Variants in ZNF532 observed in about 807,000 individuals in gnomAD.
ZNF532 encodes the protein zinc finger protein 532.
ZNF532 carries 22 observed loss-of-function variants against 89.3 expected under a neutral mutation model. That is an observed-to-expected ratio of 0.25 (90% CI 0.18 to 0.35). The LOEUF is 0.35. ZNF532 is among the 10% of genes least tolerant of loss of function. ZNF532 has a pLI of 1.00. For missense variants in ZNF532, 1,132 were observed against 1,643.4 expected (o/e 0.69, Z 5.38); for synonymous variants, 606 against 649.6 (o/e 0.93, Z 1.02).
chr18:58,896,221 G>GT (rs561698537), intron 2 of ZNF532, among the ~76,000 whole-genome samples: 8 of 152,008 alleles, frequency 5.3e-5, no homozygotes, highest in Non-Finnish European at 8.8e-5. Context: ...GTTGTTGTTT[G>GT]TTTTTTAAGT....
intron 7 of ZNF532, among the ~76,000 whole-genome samples, chr18:58,964,573 GTGTGTGTA>G (rs1252438338): frequency 7.2e-6 from 1 of 139,140 alleles, no homozygotes; most frequent in East Asian, 2.0e-4. Context: ...GTGTGTGTGT[GTGTGTGTA>G]TACACAGTTT....
chr18:58,915,809 C>T (rs1019466488), intron 2 of ZNF532, among the ~76,000 whole-genome samples: 1 of 152,194 alleles, frequency 6.6e-6, no homozygotes, highest in Non-Finnish European at 1.5e-5. Context: ...TCTGGGCCTC[C>T]CACCCACTGA....
chr18:58,930,132 C>A (rs1483865223), intron 3 of ZNF532, among the ~76,000 whole-genome samples: 2 of 152,174 alleles, frequency 1.3e-5, no homozygotes, highest in Non-Finnish European at 2.9e-5. Flanking sequence ...TCCCAGGCTA[C>A]TTTTCTGCCT....
chr18:58,954,055 T>C, intron 7 of ZNF532: 1 of 982,266 alleles, frequency 1.0e-6, no homozygotes, highest in Non-Finnish European at 1.2e-6. Context: ...AAGTTACCTA[T>C]CACATTCATA....
chr18:58,877,442 A>G (rs79475078), intron 2 of ZNF532, among the ~76,000 whole-genome samples: 2,017 of 152,314 alleles, frequency 0.013, 52 homozygotes, highest in African/African-American at 0.046. Flanking sequence ...TAGTGGGTTT[A>G]TTTTACTTTG....
chr18:58,983,297 G>A (rs188627443), intron 9 of ZNF532, among the ~76,000 whole-genome samples: 4 of 152,226 alleles, frequency 2.6e-5, no homozygotes, highest in Non-Finnish European at 2.9e-5. Flanking sequence ...GTGTGAAGGT[G>A]AGGAGGCAGG....
At chr18:58,884,653 T>C (rs898482828) in intron 2 of ZNF532, among the ~76,000 whole-genome samples, 1 of 152,248 alleles carries the variant, frequency 6.6e-6, no homozygotes, top group Non-Finnish European at 1.5e-5. Context: ...GCCAAAGGAA[T>C]GCTTCTAAAG....
intron 2 of ZNF532, among the ~76,000 whole-genome samples, chr18:58,892,240 G>A (rs968788437): frequency 2.0e-5 from 3 of 152,082 alleles, no homozygotes; most frequent in East Asian, 3.9e-4. Context: ...AGTTATTTTT[G>A]TAAGAATTTA....
At chr18:58,939,872 T>G (rs2062828838) in intron 5 of ZNF532, 1 of 294,110 alleles carries the variant, frequency 3.4e-6, no homozygotes, top group African/African-American at 2.2e-5. Context: ...CAAGTAAATA[T>G]TTATATTTTT....
At chr18:58,889,284 C>T (rs1451220425) in intron 2 of ZNF532, among the ~76,000 whole-genome samples, 1 of 152,108 alleles carries the variant, frequency 6.6e-6, no homozygotes, top group Non-Finnish European at 1.5e-5. Flanking sequence ...TAAACCCTCC[C>T]TGGGCACTTC....
At position 58,936,454 on chromosome 18, in the gene ZNF532, C is replaced by G. The variant is rs1180728041; in HGVS notation, c.2528+1840C>G. The stretch of plus-strand genomic sequence containing the variant: ...GTTGATATGATTAAAGGAAATATGA[C>G]TTCTTCAATTTTAGCTATTGCTGAT... On this transcript the variant is annotated intron_variant, in intron 4 of 9. Transcript: ENST00000591808. 3.3e-5 allele frequency among the ~76,000 whole-genome samples: 5 copies of G among 152,160 alleles called. No homozygotes were observed. In the South Asian group the frequency reaches 1.0e-3, roughly 32 times the overall value.
At chr18:58,955,479 T>C (rs1400754758) in intron 7 of ZNF532, among the ~76,000 whole-genome samples, 1 of 152,164 alleles carries the variant, frequency 6.6e-6, no homozygotes, top group Non-Finnish European at 1.5e-5. Context: ...ATATAGAGAG[T>C]ACATAGAAAT....
rs371620410 is a variant in ZNF532, at chr18:58,932,845, C to A, written c.2347-1588C>A. ...TTAATATAATATGTATATACACACA[C>A]ATGCATGTACGTGTGTATGTATATA... On this transcript the variant is annotated intron_variant, in intron 3 of 9. Coordinates refer to ENST00000591808, the MANE Select transcript of ZNF532 (RefSeq NM_001375912.1). 8.0e-4 allele frequency among the ~76,000 whole-genome samples: 121 copies of A among 152,146 alleles called. 1 individual carries two copies. In the South Asian group the frequency reaches 0.024, roughly 30 times the overall value.
At chr18:58,924,313 T>A (rs1173762929) in intron 3 of ZNF532, among the ~76,000 whole-genome samples, 1 of 152,258 alleles carries the variant, frequency 6.6e-6, no homozygotes, top group African/African-American at 2.4e-5. Flanking sequence ...AGGAACCCAG[T>A]GCAGTTTAAG....
chr18:58,904,989 G>A (rs1029627992), intron 2 of ZNF532, among the ~76,000 whole-genome samples: 2 of 151,830 alleles, frequency 1.3e-5, no homozygotes, highest in South Asian at 4.2e-4. Context: ...CTACAGGTGC[G>A]TGACACCATG....
At position 58,919,961 on chromosome 18, in the gene ZNF532, A is replaced by G; in HGVS notation, c.1674A>G (p.Ala558=). 3.1e-6 allele frequency: 5 copies of G among 1,613,884 alleles called. No individual in the cohort carries two copies. The highest frequency in any genetic ancestry group is 1.7e-6 in the Non-Finnish European group (2 of 1,179,836). The part of the protein sequence containing the change: ...QQQIKQAIIN[A]AASQPPKKVS... ...AAATAAAGCAGGCAATAATCAATGCAGCAGCCTCGCAACCCCCCAAAAAGG... is the reference window on the plus strand; with the variant it reads ...AAATAAAGCAGGCAATAATCAATGCGGCAGCCTCGCAACCCCCCAAAAAGG... The change falls in exon 3 of 10, where the codon GCA becomes GCG. Residue 558 remains alanine, a synonymous_variant. Coordinates refer to ENST00000591808, the MANE Select transcript of ZNF532 (RefSeq NM_001375912.1). This position sits in a 1 kb window ranked among gnomAD's most constrained non-coding sequence, Gnocchi z 6.1.
At chr18:58,885,428 T>C (rs561052068) in intron 2 of ZNF532, among the ~76,000 whole-genome samples, 26 of 152,218 alleles carry the variant, frequency 1.7e-4, no homozygotes, top group Non-Finnish European at 2.8e-4. Flanking sequence ...TTTACAGATA[T>C]ACATTATGAC....
chr18:58,966,826 T>A (rs1383431504), intron 7 of ZNF532, among the ~76,000 whole-genome samples: 1 of 151,428 alleles, frequency 6.6e-6, no homozygotes, highest in African/African-American at 2.4e-5. Context: ...GATGTCTGTC[T>A]GTTGGAGGCA....
chr18:58,973,183 A>G (rs775811795), intron 7 of ZNF532, among the ~76,000 whole-genome samples: 15 of 152,330 alleles, frequency 9.8e-5, no homozygotes, highest in Admixed American at 5.2e-4. Context: ...GCTCACTGCA[A>G]CTGCTGCTTA....
Sources: allele counts gnomAD v4.1 joint callset (sites outside exome capture counted in the v4.1 genomes callset), GRCh38; gene constraint gnomAD v4.1.1; non-coding constraint Gnocchi (gnomAD v3.1); transcripts MANE v1.5; gene names NCBI Gene and HGNC (gene_info 2026-07-23, HGNC 2026-07-21).